Variants in THSD7A observed in about 807,000 individuals in gnomAD.
The protein encoded by THSD7A is thrombospondin type 1 domain containing 7A, also known as thrombospondin type-1 domain-containing protein 7A.
Under a neutral mutation model 231.3 loss-of-function variants are expected in THSD7A, and 96 were observed. The observed-to-expected ratio is 0.41, with a 90% CI of 0.35 to 0.49. The LOEUF is 0.49. Ranked by LOEUF, THSD7A falls within the 20% of genes least tolerant of loss-of-function variation. The probability of loss-of-function intolerance (pLI) is 0.05; values close to 1 mark genes in which losing one functional copy is unlikely to be tolerated. For missense variants in THSD7A, 2,290 were observed against 2,070.2 expected, an observed-to-expected ratio of 1.11 and a Z score of -2.06; for synonymous variants, 940 against 743.3, an observed-to-expected ratio of 1.26 and a Z score of -4.30.
intron 1 of THSD7A, among the ~76,000 whole-genome samples, chr7:11,728,436 T>G (rs1781618027): frequency 6.6e-6 from 1 of 151,832 alleles, no homozygotes; most frequent in South Asian, 2.1e-4. Context: ...ATATATGACT[T>G]GAAAAGTATA....
intron 6 of THSD7A, among the ~76,000 whole-genome samples, chr7:11,518,260 TAC>T (rs1403841139): frequency 6.6e-6 from 1 of 152,146 alleles, no homozygotes; most frequent in African/African-American, 2.4e-5. Context: ...CCAGAGATGC[TAC>T]AATAGGAATA....
intron 7 of THSD7A, among the ~76,000 whole-genome samples, chr7:11,480,690 G>T (rs75576817): frequency 6.6e-6 from 1 of 151,868 alleles, no homozygotes; most frequent in Non-Finnish European, 1.5e-5. Context: ...AATGTTTTAC[G>T]CATGTAACAC....
chr7:11,749,255 C>A (rs1446741354), intron 1 of THSD7A, among the ~76,000 whole-genome samples: 1 of 151,972 alleles, frequency 6.6e-6, no homozygotes, highest in Non-Finnish European at 1.5e-5. Flanking sequence ...TATGTACAAA[C>A]AACATGCACA....
chr7:11,553,278 A>G (rs549981135), intron 4 of THSD7A, among the ~76,000 whole-genome samples: 1 of 152,238 alleles, frequency 6.6e-6, no homozygotes, highest in South Asian at 2.1e-4. Flanking sequence ...AATACCTGCT[A>G]TGTATAATTC....
intron 2 of THSD7A, among the ~76,000 whole-genome samples, chr7:11,597,237 T>C (rs530589475): frequency 7.9e-5 from 12 of 152,230 alleles, no homozygotes; most frequent in African/African-American, 1.7e-4. Flanking sequence ...TGTCAAGATA[T>C]TCCTTCTAAG....
At chr7:11,478,379 T>A (rs1352509360) in intron 7 of THSD7A, among the ~76,000 whole-genome samples, 2 of 152,160 alleles carry the variant, frequency 1.3e-5, no homozygotes, top group Admixed American at 6.5e-5. Context: ...TCCTTCACCC[T>A]GCTCACTGGC....
intron 1 of THSD7A, among the ~76,000 whole-genome samples, chr7:11,701,005 G>C (rs1478826878): frequency 6.6e-6 from 1 of 150,930 alleles, no homozygotes; most frequent in Non-Finnish European, 1.5e-5. Flanking sequence ...CTCCTTCTTT[G>C]TATACTAGTT....
chr7:11,586,146 T>C (rs78918887), intron 4 of THSD7A, among the ~76,000 whole-genome samples: 3,340 of 152,250 alleles, frequency 0.022, 125 homozygotes, highest in African/African-American at 0.075. Flanking sequence ...TTATGGAGTG[T>C]TTATACTTAT....
At chr7:11,583,574 C>A (rs1000950254) in intron 4 of THSD7A, among the ~76,000 whole-genome samples, 2 of 152,106 alleles carry the variant, frequency 1.3e-5, no homozygotes, top group Admixed American at 1.3e-4. Context: ...CCATGCCTGG[C>A]CTCTATCTGC....
chr7:11,380,954 G>C (rs1331445858), intron 24 of THSD7A, among the ~76,000 whole-genome samples: 1 of 152,120 alleles, frequency 6.6e-6, no homozygotes, highest in Non-Finnish European at 1.5e-5. Flanking sequence ...CCCAATTGCA[G>C]TGGAAAAAGA....
chr7:11,696,007 G>T (rs1478483800), intron 1 of THSD7A, among the ~76,000 whole-genome samples: 1 of 151,504 alleles, frequency 6.6e-6, no homozygotes, highest in African/African-American at 2.4e-5. Flanking sequence ...AATGTGTAAA[G>T]ATTGTGATAT....
Position 11,377,576 on chromosome 7 carries a change from G to C in THSD7A, c.4802-919C>G, listed in dbSNP as rs1373578760. Among the ~76,000 whole-genome samples, 1 of 152,016 alleles carries C rather than the reference G, an allele frequency of 6.6e-6. No individual in the cohort carries two copies. The highest frequency in any genetic ancestry group is 1.5e-5 in the Non-Finnish European group (1 of 67,960). ...TGTGGAATTTTTTTGCCCGGAGTTAGATCAAGTTAGAGGTTCATTTGCTGG... is the reference window on the plus strand; with the variant it reads ...TGTGGAATTTTTTTGCCCGGAGTTACATCAAGTTAGAGGTTCATTTGCTGG... On this transcript the variant is annotated intron_variant, in intron 26 of 27. Transcript: ENST00000423059. This position sits in a 1 kb window ranked among gnomAD's most constrained non-coding sequence, Gnocchi z 4.5.
At chr7:11,468,639 G>C (rs73068724) in intron 9 of THSD7A, among the ~76,000 whole-genome samples, 28,858 of 151,950 alleles carry the variant, frequency 0.19, 3,156 homozygotes, top group South Asian at 0.32. Context: ...TTCTAGACCA[G>C]CCTGGCCAAA....
At chr7:11,390,495 C>T (rs1402113524) in intron 23 of THSD7A, among the ~76,000 whole-genome samples, 1 of 152,168 alleles carries the variant, frequency 6.6e-6, no homozygotes, top group African/African-American at 2.4e-5. Context: ...TTCATGTTAG[C>T]AATTCTTCTG....
intron 1 of THSD7A, among the ~76,000 whole-genome samples, chr7:11,773,788 T>C (rs1166060677): frequency 6.6e-6 from 1 of 152,108 alleles, no homozygotes; most frequent in African/African-American, 2.4e-5. Context: ...AATTTCTACA[T>C]GGTAAACTCA....
intron 2 of THSD7A, among the ~76,000 whole-genome samples, chr7:11,603,641 A>C (rs113157418): frequency 0.018 from 2,707 of 151,844 alleles, 80 homozygotes; most frequent in African/African-American, 0.062. Context: ...ATGTCCAACA[A>C]TGATAGACTG....
At chr7:11,391,800 G>A (rs908270181) in intron 23 of THSD7A, among the ~76,000 whole-genome samples, 23 of 152,184 alleles carry the variant, frequency 1.5e-4, no homozygotes, top group African/African-American at 5.5e-4. Context: ...ATGTATCTGG[G>A]CTGGAGTACA....
intron 1 of THSD7A, among the ~76,000 whole-genome samples, chr7:11,828,267 C>T (rs577351482): frequency 6.6e-6 from 1 of 152,326 alleles, no homozygotes; most frequent in East Asian, 1.9e-4. Flanking sequence ...TGCTATCCCA[C>T]ATCCTGGGCT....
chr7:11,417,384 T>A, intron 17 of THSD7A, 66 bp downstream of exon 17: 1 of 1,382,962 alleles, frequency 7.2e-7, no homozygotes, highest in Non-Finnish European at 9.6e-7. Context: ...AAAAATAATG[T>A]CTTTAAAGCT....
Sources: gnomAD v4.1 joint callset for allele counts (sites outside exome capture counted in the v4.1 genomes callset) on GRCh38, gnomAD v4.1.1 for gene constraint, Gnocchi (gnomAD v3.1) non-coding constraint, MANE v1.5 for transcripts, NCBI Gene and HGNC (gene_info 2026-07-23, HGNC 2026-07-21) for gene names.